DIAPH2: variants seen among roughly 807,000 people sequenced by gnomAD.
The protein encoded by DIAPH2 is diaphanous related formin 2, also known as protein diaphanous homolog 2.
DIAPH2 carries 35 observed loss-of-function variants against 92.7 expected under a neutral mutation model. The observed-to-expected ratio is 0.38, with a 90% confidence interval of 0.29 to 0.50. The LOEUF is 0.50. Among genes scored for constraint, DIAPH2 ranks in the 20% least tolerant of loss-of-function variants. The probability of loss-of-function intolerance (pLI) is 0.94; values close to 1 mark genes in which losing one functional copy is unlikely to be tolerated. For synonymous variants in DIAPH2, 301 were observed against 280.4 expected (o/e 1.07, Z -0.73); for missense variants, 701 against 819.5 (o/e 0.86, Z 1.77).
intron 26 of DIAPH2, among the ~76,000 whole-genome samples, chrX:97,471,620 G>A (rs189452792): frequency 2.7e-4 from 28 of 104,055 alleles, no homozygotes; most frequent in African/African-American, 7.7e-4. Flanking sequence ...AACCTGGGAG[G>A]TGGAGGTTGC....
intron 25 of DIAPH2, among the ~76,000 whole-genome samples, chrX:97,393,633 G>A (rs187700545): frequency 2.7e-5 from 3 of 111,316 alleles, no homozygotes; most frequent in African/African-American, 9.8e-5. Context: ...TTATGTTAGG[G>A]ACCACTAAAA....
chrX:97,484,845 G>A (rs1227468446), intron 26 of DIAPH2, among the ~76,000 whole-genome samples: 1 of 110,971 alleles, frequency 9.0e-6, no homozygotes, highest in African/African-American at 3.3e-5. Flanking sequence ...TGCGGTGAGC[G>A]ATATCACGCC....
intron 22 of DIAPH2, among the ~76,000 whole-genome samples, chrX:97,209,262 C>G (rs1306521815): frequency 9.0e-6 from 1 of 110,750 alleles, no homozygotes; most frequent in Non-Finnish European, 1.9e-5. Flanking sequence ...ATACAATCAT[C>G]AGGAATAAAT....
intron 23 of DIAPH2, among the ~76,000 whole-genome samples, chrX:97,328,304 G>A (rs184928338): frequency 1.4e-4 from 16 of 110,572 alleles, no homozygotes; most frequent in East Asian, 2.8e-4. Flanking sequence ...GCATGGTGGC[G>A]CACGCCTGTA....
At chrX:96,962,492 C>T (rs368200507) in intron 16 of DIAPH2, among the ~76,000 whole-genome samples, 679 of 19,523 alleles carry the variant, frequency 0.035, 64 homozygotes, top group African/African-American at 0.094. Context: ...CACACACACA[C>T]ACACATATAT....
chrX:97,164,651 G>T (rs1027732134), intron 22 of DIAPH2, among the ~76,000 whole-genome samples: 1 of 112,106 alleles, frequency 8.9e-6, no homozygotes, highest in Non-Finnish European at 1.9e-5. Flanking sequence ...AGCTTTCTCA[G>T]TAAATTGTTT....
At chrX:97,458,975 C>T (rs758333638) in intron 26 of DIAPH2, among the ~76,000 whole-genome samples, 43 of 111,616 alleles carry the variant, frequency 3.9e-4, no homozygotes, top group South Asian at 1.5e-3. Context: ...CTATGTGATT[C>T]TAATTTGGTC....
chrX:97,518,801 G>A (rs2070970085), intron 26 of DIAPH2, among the ~76,000 whole-genome samples: 1 of 110,711 alleles, frequency 9.0e-6, no homozygotes, highest in Non-Finnish European at 1.9e-5. Context: ...CTCTGTAGCT[G>A]AGGATAATAG....
intron 25 of DIAPH2, among the ~76,000 whole-genome samples, chrX:97,407,341 T>C (rs1284511265): frequency 8.9e-6 from 1 of 112,005 alleles, no homozygotes; most frequent in Non-Finnish European, 1.9e-5. Flanking sequence ...TAATTCTCTT[T>C]ATGATTATTA....
intron 1 of DIAPH2, among the ~76,000 whole-genome samples, chrX:96,718,659 G>A (rs911439114): frequency 1.8e-5 from 2 of 110,717 alleles, no homozygotes; most frequent in African/African-American, 3.3e-5. Flanking sequence ...CAGCCACCAC[G>A]TTTTCTTTAT....
intron 22 of DIAPH2, among the ~76,000 whole-genome samples, chrX:97,220,655 G>A (rs990463938): frequency 5.4e-5 from 6 of 111,553 alleles, no homozygotes; most frequent in African/African-American, 2.0e-4. Flanking sequence ...CTGTTGGCAT[G>A]GTTACAGAGA....
chrX:97,384,513 G>T (rs1166917774), intron 25 of DIAPH2, among the ~76,000 whole-genome samples: 1 of 111,757 alleles, frequency 8.9e-6, no homozygotes, highest in African/African-American at 3.3e-5. Context: ...AATAGGGAAA[G>T]GCATCTTGCA....
chrX:97,599,734 A>G lies in DIAPH2; in HGVS notation c.*417A>G, dbSNP rs1412718625. The G allele has an allele frequency of 8.1e-6, 1 of 123,466 alleles. No homozygotes were observed. The highest frequency in any genetic ancestry group is 1.6e-5 in the Non-Finnish European group (1 of 60,893). The allele number at this position is 123,466 out of a possible 1,213,427, so 10.2% of individuals were successfully genotyped here. ...AAGAATTATCCAGTGTCAGCTTCCA[A>G]TCCCTAGTACATATATAATAGAAAA... On this transcript the variant is annotated 3_prime_UTR_variant, in exon 27 of 27. Transcript: ENST00000324765.
intron 19 of DIAPH2, among the ~76,000 whole-genome samples, chrX:97,078,067 T>C (rs2066717004): frequency 2.7e-5 from 3 of 111,743 alleles, no homozygotes; most frequent in African/African-American, 6.5e-5. Flanking sequence ...AGGATATCAG[T>C]GGTAAAACAG....
intron 23 of DIAPH2, among the ~76,000 whole-genome samples, chrX:97,295,389 C>T (rs1477884964): frequency 1.8e-5 from 2 of 112,124 alleles, no homozygotes; most frequent in African/African-American, 6.5e-5. Context: ...ACTATTAAAA[C>T]AATGTTGCTT....
chrX:97,286,835 G>A (rs1294003713), intron 23 of DIAPH2, among the ~76,000 whole-genome samples: 1 of 110,943 alleles, frequency 9.0e-6, no homozygotes, highest in African/African-American at 3.3e-5. Context: ...TCTGGGTCCC[G>A]CAACTTCAAG....
At chrX:96,805,858 C>T (rs192355559) in intron 4 of DIAPH2, among the ~76,000 whole-genome samples, 44 of 112,027 alleles carry the variant, frequency 3.9e-4, no homozygotes, top group African/African-American at 1.3e-3. Context: ...TCTTTGGAAA[C>T]GTTTCTTCTG....
intron 23 of DIAPH2, among the ~76,000 whole-genome samples, chrX:97,264,545 C>A (rs1024427954): frequency 8.9e-6 from 1 of 112,204 alleles, no homozygotes. Flanking sequence ...GTCTCTGATG[C>A]CACTGAGGCA....
intron 9 of DIAPH2, among the ~76,000 whole-genome samples, chrX:96,924,590 G>C (rs1306399635): frequency 2.7e-5 from 3 of 110,949 alleles, no homozygotes; most frequent in African/African-American, 9.9e-5. Flanking sequence ...ATACTAAACT[G>C]TATTAGTCCA....
Sources: gnomAD v4.1 joint callset for allele counts (sites outside exome capture counted in the v4.1 genomes callset) on GRCh38, gnomAD v4.1.1 for gene constraint, MANE v1.5 for transcripts, NCBI Gene and HGNC (gene_info 2026-07-23, HGNC 2026-07-21) for gene names.